The following MACROD2 variants were observed in gnomAD, a reference collection of about 807,000 sequenced individuals.
The protein encoded by MACROD2 is ADP-ribose glycohydrolase MACROD2.
In MACROD2, 36 loss-of-function variants were observed where a neutral mutation model predicts 70.4. The ratio of observed to expected loss-of-function variants is 0.51; its 90% CI spans 0.39 to 0.68. The LOEUF (loss-of-function observed/expected upper bound fraction) is 0.68. MACROD2 is among the 30% of genes least tolerant of loss of function. The pLI is 0.00. For synonymous variants in MACROD2, 172 were observed against 178.8 expected, an observed-to-expected ratio of 0.96 and a Z score of 0.30; for missense variants, 496 against 538.4, an observed-to-expected ratio of 0.92 and a Z score of 0.78.
At chr20:15,788,162 A>G (rs1489480597) in intron 8 of MACROD2, among the ~76,000 whole-genome samples, 1 of 151,812 alleles carries the variant, frequency 6.6e-6, no homozygotes, top group Non-Finnish European at 1.5e-5. Flanking sequence ...CATCGATTCC[A>G]TTTAGATTCC....
chr20:15,925,107 T>G (rs1199618148), intron 10 of MACROD2, among the ~76,000 whole-genome samples: 1 of 152,234 alleles, frequency 6.6e-6, no homozygotes, highest in African/African-American at 2.4e-5. Flanking sequence ...TATGTGCATA[T>G]CTGAGAACTG....
chr20:14,584,765 T>C (rs553180189), intron 4 of MACROD2, among the ~76,000 whole-genome samples: 2 of 152,200 alleles, frequency 1.3e-5, no homozygotes, highest in Non-Finnish European at 2.9e-5. Context: ...TAAAAGTTTT[T>C]AAATTTATAA....
At chr20:14,647,870 A>G (rs1985479407) in intron 4 of MACROD2, among the ~76,000 whole-genome samples, 1 of 151,760 alleles carries the variant, frequency 6.6e-6, no homozygotes, top group African/African-American at 2.4e-5. Flanking sequence ...CCTTCATGTT[A>G]CTCTTCTCAT....
intron 6 of MACROD2, among the ~76,000 whole-genome samples, chr20:15,354,736 T>G (rs12053601): frequency 0.17 from 25,903 of 152,184 alleles, 2,564 homozygotes; most frequent in Non-Finnish European, 0.23. Flanking sequence ...GAGGAATAAG[T>G]TACTTTCACT....
At chr20:15,282,230 G>A (rs1202456118) in intron 6 of MACROD2, among the ~76,000 whole-genome samples, 1 of 152,214 alleles carries the variant, frequency 6.6e-6, no homozygotes, top group East Asian at 1.9e-4. Context: ...ACATGTTCTG[G>A]AGACGTTTTC....
At chr20:15,849,975 G>C (rs1568596765) in intron 8 of MACROD2, among the ~76,000 whole-genome samples, 2 of 152,184 alleles carry the variant, frequency 1.3e-5, no homozygotes, top group East Asian at 3.9e-4. Flanking sequence ...CCATGGGAGT[G>C]ATGGCAAAGT....
chr20:14,535,010 C>G (rs1212362727), intron 4 of MACROD2, among the ~76,000 whole-genome samples: 1 of 152,148 alleles, frequency 6.6e-6, no homozygotes, highest in Admixed American at 6.5e-5. Context: ...CCAGAATAAG[C>G]TTGATAATGA....
intron 3 of MACROD2, among the ~76,000 whole-genome samples, chr20:14,106,685 G>C (rs936183156): frequency 3.3e-5 from 5 of 152,166 alleles, no homozygotes; most frequent in African/African-American, 1.2e-4. Context: ...TGGTCACAAG[G>C]ATATGTGTGT....
chr20:14,874,671 G>GTATTTATT (rs71190161), intron 5 of MACROD2, among the ~76,000 whole-genome samples: 45 of 143,068 alleles, frequency 3.1e-4, no homozygotes, highest in East Asian at 4.2e-4. Flanking sequence ...AAAAAAGGTT[G>GTATTTATT]TATTTATTTA....
intron 5 of MACROD2, among the ~76,000 whole-genome samples, chr20:15,181,325 T>C (rs1357876572): frequency 6.6e-6 from 1 of 152,256 alleles, no homozygotes; most frequent in Non-Finnish European, 1.5e-5. Flanking sequence ...TTTGCAATTA[T>C]AGCTAATGCT....
intron 8 of MACROD2, among the ~76,000 whole-genome samples, chr20:15,755,696 T>C (rs989621893): frequency 1.3e-5 from 2 of 152,180 alleles, no homozygotes; most frequent in Admixed American, 1.3e-4. Flanking sequence ...GATTTGATTT[T>C]GATTATCATG....
chr20:14,878,468 T>A (rs895653912), intron 5 of MACROD2, among the ~76,000 whole-genome samples: 1 of 152,112 alleles, frequency 6.6e-6, no homozygotes, highest in Admixed American at 6.6e-5. Flanking sequence ...GCCTTTAAAG[T>A]AAAACTATAA....
At chr20:14,241,703 G>A (rs186955144) in intron 3 of MACROD2, among the ~76,000 whole-genome samples, 1 of 152,160 alleles carries the variant, frequency 6.6e-6, no homozygotes, top group East Asian at 1.9e-4. Context: ...CCAACCTGTG[G>A]GATGATGTGT....
intron 5 of MACROD2, among the ~76,000 whole-genome samples, chr20:14,805,032 A>T (rs554714191): frequency 2.0e-5 from 3 of 151,998 alleles, no homozygotes; most frequent in African/African-American, 7.3e-5. Context: ...TGAAGTCTTT[A>T]TGTGAGCTTC....
At chr20:14,298,194 C>T (rs1468810055) in intron 3 of MACROD2, among the ~76,000 whole-genome samples, 1 of 151,914 alleles carries the variant, frequency 6.6e-6, no homozygotes, top group Non-Finnish European at 1.5e-5. Context: ...AAGATTAATG[C>T]TGTTTTCACA....
chr20:14,940,518 A>T (rs1390905401), intron 5 of MACROD2, among the ~76,000 whole-genome samples: 1 of 152,208 alleles, frequency 6.6e-6, no homozygotes, highest in Non-Finnish European at 1.5e-5. Context: ...CATGTTCAGT[A>T]CAATGGTAGC....
intron 5 of MACROD2, among the ~76,000 whole-genome samples, chr20:14,859,675 C>G (rs1236149503): frequency 6.6e-6 from 1 of 151,842 alleles, no homozygotes; most frequent in African/African-American, 2.4e-5. Context: ...TTTTTCAGAG[C>G]CAACATTTCT....
intron 8 of MACROD2, among the ~76,000 whole-genome samples, chr20:15,639,375 CAGTT>C (rs1445479314): frequency 6.6e-6 from 1 of 152,136 alleles, no homozygotes; most frequent in Non-Finnish European, 1.5e-5. Context: ...CATGAGAAGG[CAGTT>C]AGTGAAAAAT....
intron 3 of MACROD2, among the ~76,000 whole-genome samples, chr20:14,210,932 TAAG>T (rs1423728767): frequency 6.6e-6 from 1 of 152,150 alleles, no homozygotes; most frequent in Non-Finnish European, 1.5e-5. Flanking sequence ...GTGCGTCATG[TAAG>T]GGGAGGGAGA....
Sources: allele counts gnomAD v4.1 joint callset (sites outside exome capture counted in the v4.1 genomes callset), GRCh38; gene constraint gnomAD v4.1.1; transcripts MANE v1.5; gene names NCBI Gene and HGNC (gene_info 2026-07-23, HGNC 2026-07-21).